The following AP5M1 variants were observed in gnomAD, a reference collection of about 807,000 sequenced individuals.
The protein encoded by AP5M1 is adaptor related protein complex 5 subunit mu 1.
AP5M1 carries 44 observed loss-of-function variants against 52.3 expected under a neutral mutation model. The observed-to-expected ratio is 0.84, with a 90% confidence interval of 0.66 to 1.08. The LOEUF (loss-of-function observed/expected upper bound fraction) is 1.08. AP5M1 is among the 50% of genes least tolerant of loss of function. AP5M1 has a pLI of 0.00. For missense variants in AP5M1, 526 were observed against 568.4 expected (o/e 0.93, Z 0.76); for synonymous variants, 213 against 199.0 (o/e 1.07, Z -0.59).
In AP5M1 at chr14:57,283,232, T is replaced by C. The variant is rs1430531197; in HGVS notation, c.1293+2T>C. ...ACTGGAGAAACAGCATATTTAAAGGTAAACATATTTATACAGCTCACTACA... is the reference window on the plus strand; with the variant it reads ...ACTGGAGAAACAGCATATTTAAAGGCAAACATATTTATACAGCTCACTACA... On this transcript the variant is annotated splice_donor_variant, in intron 6 of 7. Transcript: ENST00000261558. LOFTEE classifies it high-confidence loss of function. 6 of 1,565,462 alleles carry C rather than the reference T, an allele frequency of 3.8e-6. No homozygotes were observed. Among genetic ancestry groups the C allele is most frequent in the Non-Finnish European group, 5.3e-6 (6 of 1,138,822 alleles).
chr14:57,294,784 G>C lies in AP5M1; in HGVS notation c.*5900G>C, dbSNP rs372312121. The C allele has an allele frequency of 6.6e-6, 1 of 151,822 alleles. No homozygotes were observed. Among genetic ancestry groups the C allele is most frequent in the South Asian group, 2.1e-4 (1 of 4,828 alleles). 9.4% of individuals were successfully genotyped at this position (151,822 alleles called of 1,614,324 possible). ...TAGGGAATAGCTTGTTTCCCATTAT[G>C]TTTCTAGAATATTACACATTTGGAG... On this transcript the variant is annotated 3_prime_UTR_variant, in exon 8 of 8. Coordinates refer to ENST00000261558, the MANE Select transcript of AP5M1 (RefSeq NM_018229.4).
rs551172994 is a variant in AP5M1, at chr14:57,273,614, C to T, written c.75-630C>T. Reference sequence around the variant, plus strand: ...CAGTTCAACTCAGAATATGCAAAAACATTCTGATTTTATTCTTTTTTATTA... The same window carrying T: ...CAGTTCAACTCAGAATATGCAAAAATATTCTGATTTTATTCTTTTTTATTA... On this transcript the variant is annotated intron_variant, in intron 1 of 7. Coordinates refer to ENST00000261558, the MANE Select transcript of AP5M1 (RefSeq NM_018229.4). 1.4e-5 allele frequency: 9 copies of T among 626,736 alleles called. No homozygotes were observed. In the Admixed American group the frequency reaches 2.0e-4, roughly 14 times the overall value. 38.8% of individuals were successfully genotyped at this position (626,736 alleles called of 1,614,324 possible).
Position 57,274,908 on chromosome 14 carries a change from ACTTG to A in AP5M1, c.720+23_720+26del, listed in dbSNP as rs527975533. On this transcript the variant is annotated intron_variant, in intron 2 of 7. Transcript: ENST00000261558. ...TTGCAAGGTGAGATTTTTCTCTGGT[ACTTG>A]CTTTATCGTTTTATTTAACATATGG... 6.9e-4 allele frequency: 1,106 copies of A among 1,613,750 alleles called. 5 individuals carry two copies. In the African/African-American group the frequency reaches 0.014, roughly 20 times the overall value.
intron 3 of AP5M1, among the ~76,000 whole-genome samples, chr14:57,281,271 C>T (rs1390688110): frequency 6.6e-6 from 1 of 152,080 alleles, no homozygotes; most frequent in African/African-American, 2.4e-5. Context: ...AATGAAACTG[C>T]CTGGATTTGA....
At position 57,298,357 on chromosome 14, in the gene AP5M1, A is replaced by G. The variant is rs1885594215; in HGVS notation, c.*9473A>G. On this transcript the variant is annotated 3_prime_UTR_variant, in exon 8 of 8. Coordinates refer to ENST00000261558, the MANE Select transcript of AP5M1 (RefSeq NM_018229.4). Reference sequence around the variant, plus strand: ...ATAAAGGCAAAGTGGTATAGAGAAAATAATACAGTCTTTGAAGTCACACAG... The same window carrying G: ...ATAAAGGCAAAGTGGTATAGAGAAAGTAATACAGTCTTTGAAGTCACACAG... The G allele has an allele frequency of 6.6e-6, 1 of 152,298 alleles. No individual in the cohort carries two copies. The highest frequency in any genetic ancestry group is 2.1e-4 in the South Asian group (1 of 4,830). The allele number at this position is 152,298 out of a possible 1,614,324, so 9.4% of individuals were successfully genotyped here.
At position 57,288,578 on chromosome 14, in the gene AP5M1, A is replaced by G. The variant is rs572521230; in HGVS notation, c.1391-224A>G. 4.6e-5 allele frequency among the ~76,000 whole-genome samples: 7 copies of G among 152,202 alleles called. No individual in the cohort carries two copies. In the South Asian group the frequency reaches 1.4e-3, roughly 32 times the overall value. ...TTGGCAGATTTGGCATAAATGAGAG[A>G]TATTTCATATAAGGTCAAAGATGGA... On this transcript the variant is annotated intron_variant, in intron 7 of 7. Transcript: ENST00000261558.
rs1263683058 is a variant in AP5M1, at chr14:57,289,798, CTTAT to C, written c.*917_*920del. The C allele has an allele frequency of 2.0e-5, 3 of 151,950 alleles. No individual in the cohort carries two copies. The highest frequency in any genetic ancestry group is 2.0e-4 in the Admixed American group (3 of 15,218). The allele number at this position is 151,950 out of a possible 1,614,324, so 9.4% of individuals were successfully genotyped here. On this transcript the variant is annotated 3_prime_UTR_variant, in exon 8 of 8. Coordinates refer to ENST00000261558, the MANE Select transcript of AP5M1 (RefSeq NM_018229.4). Reference sequence around the variant, plus strand: ...CTGTGAGTAGAGAGTATCATTTAAGCTTATTTTAGTCACATGTAGTATATATCTC... The same window carrying C: ...CTGTGAGTAGAGAGTATCATTTAAGCTTTAGTCACATGTAGTATATATCTC...
At chr14:57,279,430 CA>C (rs907853771) in intron 2 of AP5M1, among the ~76,000 whole-genome samples, 1 of 152,118 alleles carries the variant, frequency 6.6e-6, no homozygotes, top group Non-Finnish European at 1.5e-5. Context: ...AATGCTGGAA[CA>C]GAAAACCAAA....
chr14:57,282,216 C>G lies in AP5M1; in HGVS notation c.1076C>G (p.Pro359Arg), dbSNP rs1263655917. 2.6e-6 allele frequency: 4 copies of G among 1,538,550 alleles called. No homozygotes were observed. The South Asian group carries it at 5.2e-5, about 20-fold the overall frequency. The change falls in exon 4 of 8, where the codon CCT (proline) becomes CGT (arginine). Residue 359 changes from proline (P) to arginine (R), a missense_variant. Pro to Arg is a moderately radical substitution (Grantham distance 103). Around this residue, in one of 3 missense-constraint regions of AP5M1, gnomAD observed 425 missense variants for 430.6 expected, o/e 0.99. Transcript: ENST00000261558. ...TTTGAATTCTGTGAAGCCCATATAC[C>G]TTTTTACAATAGGTAGGAATAAAAT... is the stretch of plus-strand genomic sequence containing the variant. Reference protein sequence around the residue: ...NNFEFCEAHIPFYNRGPITHL... With the variant: ...NNFEFCEAHIRFYNRGPITHL...
rs1181773472 is a variant in AP5M1 at position 57,291,646 on chromosome 14, G to A, written c.*2762G>A. 1 of 151,512 alleles carries A rather than the reference G, an allele frequency of 6.6e-6. No individual in the cohort carries two copies. The highest frequency in any genetic ancestry group is 1.9e-4 in the East Asian group (1 of 5,174). 9.4% of individuals were successfully genotyped at this position (151,512 alleles called of 1,614,324 possible). On this transcript the variant is annotated 3_prime_UTR_variant, in exon 8 of 8. Coordinates refer to ENST00000261558, the MANE Select transcript of AP5M1 (RefSeq NM_018229.4). ...AATTTTTTTTATTAAACATTAGTCT[G>A]TCCCATAAAATCGTTTTCATTTTTT...
At chr14:57,277,064 A>G (rs964254347) in intron 2 of AP5M1, among the ~76,000 whole-genome samples, 2 of 151,920 alleles carry the variant, frequency 1.3e-5, no homozygotes, top group African/African-American at 4.8e-5. Flanking sequence ...AATTTTCTGT[A>G]TGTCTTTAGA....
In AP5M1 at chr14:57,289,654, G is replaced by A. The variant is rs1227031264; in HGVS notation, c.*770G>A. On this transcript the variant is annotated 3_prime_UTR_variant, in exon 8 of 8. Transcript: ENST00000261558. ...CTTCAGAAGATGATCATAGTGTTTTGTAATCATTTAATGTCTGCAGCCAAA... is the reference window on the plus strand; with the variant it reads ...CTTCAGAAGATGATCATAGTGTTTTATAATCATTTAATGTCTGCAGCCAAA... 6.6e-6 allele frequency: 1 copy of A among 151,948 alleles called. No individual in the cohort carries two copies. The highest frequency in any genetic ancestry group is 2.4e-5 in the African/African-American group (1 of 41,414). The allele number at this position is 151,948 out of a possible 1,614,324, so 9.4% of individuals were successfully genotyped here. A position where few individuals can be genotyped will look rare whatever the true frequency, so the allele number is the denominator to read the frequency against.
Position 57,293,214 on chromosome 14 carries a change from T to C in AP5M1, c.*4330T>C, listed in dbSNP as rs1461576026. ...TGTAAGATGTCAAATCGGGATTTAT[T>C]CCTCCAGTATATTTTAAGACCTTTA... is the stretch of plus-strand genomic sequence containing the variant. On this transcript the variant is annotated 3_prime_UTR_variant, in exon 8 of 8. Coordinates refer to ENST00000261558, the MANE Select transcript of AP5M1 (RefSeq NM_018229.4). 3 of 151,656 alleles carry C rather than the reference T, an allele frequency of 2.0e-5. No individual in the cohort carries two copies. In the Admixed American group the frequency reaches 2.0e-4, roughly 10 times the overall value. 9.4% of individuals were successfully genotyped at this position (151,656 alleles called of 1,614,324 possible).
At position 57,290,288 on chromosome 14, in the gene AP5M1, A is replaced by G. The variant is rs1313556469; in HGVS notation, c.*1404A>G. ...AGGTTCTATGTTCAAAATTATCCCA[A>G]GTAACAAAGAAAAAAAGAATAACTG... On this transcript the variant is annotated 3_prime_UTR_variant, in exon 8 of 8. Transcript: ENST00000261558. 1 of 151,974 alleles carries G rather than the reference A, an allele frequency of 6.6e-6. No homozygotes were observed. Among genetic ancestry groups the G allele is most frequent in the Non-Finnish European group, 1.5e-5 (1 of 67,898 alleles). 9.4% of individuals were successfully genotyped at this position (151,974 alleles called of 1,614,324 possible).
chr14:57,269,284 T>A lies in AP5M1; in HGVS notation c.-31T>A. On this transcript the variant is annotated 5_prime_UTR_variant, in exon 1 of 8. The change abolishes an upstream ATG in the 5' untranslated region. Transcript: ENST00000261558. ...TGTTCCTCGGTGGCGACCTTAATTA[T>A]GAGATGAGCTAATGCTTTACTGACT... The A allele has an allele frequency of 6.2e-7, 1 of 1,602,702 alleles. No individual in the cohort carries two copies.
chr14:57,287,000 C>T (rs7493818), intron 7 of AP5M1, among the ~76,000 whole-genome samples: 12 of 100,020 alleles, frequency 1.2e-4, no homozygotes, highest in Non-Finnish European at 1.7e-4. Flanking sequence ...CACACATACA[C>T]ACACACACAC....
Position 57,293,110 on chromosome 14 carries a change from A to G in AP5M1, c.*4226A>G, listed in dbSNP as rs1885474861. On this transcript the variant is annotated 3_prime_UTR_variant, in exon 8 of 8. Coordinates refer to ENST00000261558, the MANE Select transcript of AP5M1 (RefSeq NM_018229.4). Reference sequence around the variant, plus strand: ...ATGGAATTTTGCACAGTATTTTGAGAAAGAAAAGGTAATGTTTCATGGTAG... The same window carrying G: ...ATGGAATTTTGCACAGTATTTTGAGGAAGAAAAGGTAATGTTTCATGGTAG... The G allele has an allele frequency of 6.6e-6, 1 of 151,716 alleles. No individual in the cohort carries two copies. 9.4% of individuals were successfully genotyped at this position (151,716 alleles called of 1,614,324 possible).
In AP5M1 at chr14:57,294,700, C is replaced by T. The variant is rs1287057442; in HGVS notation, c.*5816C>T. On this transcript the variant is annotated 3_prime_UTR_variant, in exon 8 of 8. Coordinates refer to ENST00000261558, the MANE Select transcript of AP5M1 (RefSeq NM_018229.4). The stretch of plus-strand genomic sequence containing the variant: ...TTTAAATGTTGGAACTATAGTAACA[C>T]ACATTCCCTCACAGAAAGGAGATTG... The T allele has an allele frequency of 6.6e-6, 1 of 151,888 alleles. No individual in the cohort carries two copies. The highest frequency in any genetic ancestry group is 6.6e-5 in the Admixed American group (1 of 15,212). 9.4% of individuals were successfully genotyped at this position (151,888 alleles called of 1,614,324 possible).
chr14:57,290,254 C>T lies in AP5M1; in HGVS notation c.*1370C>T, dbSNP rs1337657866. On this transcript the variant is annotated 3_prime_UTR_variant, in exon 8 of 8. Coordinates refer to ENST00000261558, the MANE Select transcript of AP5M1 (RefSeq NM_018229.4). Reference sequence around the variant, plus strand: ...AAACTCATTTTCTGCAAAGCATTATCATGGCATAAGGTTCTATGTTCAAAA... The same window carrying T: ...AAACTCATTTTCTGCAAAGCATTATTATGGCATAAGGTTCTATGTTCAAAA... 1 of 151,876 alleles carries T rather than the reference C, an allele frequency of 6.6e-6. No homozygotes were observed. Among genetic ancestry groups the T allele is most frequent in the Admixed American group, 6.6e-5 (1 of 15,204 alleles). 9.4% of individuals were successfully genotyped at this position (151,876 alleles called of 1,614,324 possible). A position where few individuals can be genotyped will look rare whatever the true frequency, so the allele number is the denominator to read the frequency against.
Sources: gnomAD v4.1 joint callset for allele counts (sites outside exome capture counted in the v4.1 genomes callset) on GRCh38, gnomAD v4.1.1 for gene constraint, gnomAD v4.1.1 regional missense constraint, MANE v1.5 for transcripts, NCBI Gene and HGNC (gene_info 2026-07-23, HGNC 2026-07-21) for gene names.